The following ADAMTSL1 variants were observed in gnomAD, a reference collection of about 807,000 sequenced individuals.
ADAMTSL1 encodes ADAMTS-like protein 1.
Under a neutral mutation model 201.8 loss-of-function variants are expected in ADAMTSL1, and 126 were observed. The observed-to-expected ratio is 0.62, with a 90% CI of 0.54 to 0.72. The LOEUF (loss-of-function observed/expected upper bound fraction) is 0.72, where lower values mean the gene tolerates loss of function less well. Among genes scored for constraint, ADAMTSL1 ranks in the 30% least tolerant of loss-of-function variants. ADAMTSL1 has a pLI of 0.00. For missense variants in ADAMTSL1, 2,679 were observed against 2,277.8 expected, an observed-to-expected ratio of 1.18 and a Z score of -3.59; for synonymous variants, 1,121 against 903.4, an observed-to-expected ratio of 1.24 and a Z score of -4.32.
chr9:18,873,601 T>G (rs1159551531), intron 23 of ADAMTSL1, among the ~76,000 whole-genome samples: 1 of 152,118 alleles, frequency 6.6e-6, no homozygotes, highest in Non-Finnish European at 1.5e-5. Flanking sequence ...TGAAGATCAG[T>G]TGGCTGTAAG....
chr9:18,626,878 C>CTATCTTTCTTTCTTTCTTTCTGTCTTT (rs1461320087), intron 5 of ADAMTSL1, among the ~76,000 whole-genome samples: 1 of 90,004 alleles, frequency 1.1e-5, no homozygotes. Context: ...TGTCTTTCTT[C>CTATCTTTCTTTCTTTCTTTCTGTCTTT]CTTCCTTCCT....
At chr9:18,057,609 C>G (rs906391366) in intron 1 of ADAMTSL1, among the ~76,000 whole-genome samples, 1 of 152,118 alleles carries the variant, frequency 6.6e-6, no homozygotes, top group Non-Finnish European at 1.5e-5. Flanking sequence ...AAATGAAAAT[C>G]TGACTGTGGG....
chr9:18,193,375 G>C (rs1341420884), intron 2 of ADAMTSL1, among the ~76,000 whole-genome samples: 1 of 152,064 alleles, frequency 6.6e-6, no homozygotes, highest in Non-Finnish European at 1.5e-5. Flanking sequence ...GGAATATGCA[G>C]GGGAAGAGGA....
intron 2 of ADAMTSL1, among the ~76,000 whole-genome samples, chr9:18,208,046 A>T (rs1179033793): frequency 1.3e-5 from 2 of 152,050 alleles, no homozygotes; most frequent in Non-Finnish European, 2.9e-5. Flanking sequence ...CTGATGAACC[A>T]CTCAGAGTCT....
At chr9:18,594,147 T>C (rs1224410401) in intron 4 of ADAMTSL1, among the ~76,000 whole-genome samples, 1 of 152,114 alleles carries the variant, frequency 6.6e-6, no homozygotes, top group Non-Finnish European at 1.5e-5. Context: ...AATCTTTTTG[T>C]TGACATTTTT....
chr9:18,307,447 C>T (rs1020981839), intron 2 of ADAMTSL1, among the ~76,000 whole-genome samples: 4 of 151,984 alleles, frequency 2.6e-5, no homozygotes, highest in Non-Finnish European at 5.9e-5. Context: ...TTCAGGAAAC[C>T]CATCTCACGT....
intron 3 of ADAMTSL1, among the ~76,000 whole-genome samples, chr9:18,550,769 CAGCA>C (rs1820751781): frequency 6.6e-6 from 1 of 151,796 alleles, no homozygotes; most frequent in Non-Finnish European, 1.5e-5. Context: ...ATGTTTATGG[CAGCA>C]ATAGAAAACT....
chr9:18,063,592 G>A (rs1033598594), intron 1 of ADAMTSL1, among the ~76,000 whole-genome samples: 6 of 152,178 alleles, frequency 3.9e-5, no homozygotes, highest in Non-Finnish European at 7.3e-5. Flanking sequence ...CGAATGCAGG[G>A]AAGGGCCATG....
chr9:18,790,282 C>T (rs1160401561), intron 19 of ADAMTSL1, among the ~76,000 whole-genome samples: 4 of 152,118 alleles, frequency 2.6e-5, no homozygotes, highest in Non-Finnish European at 5.9e-5. Flanking sequence ...TAAGGCCCAC[C>T]ACACGACTCT....
Position 18,795,487 on chromosome 9 carries a change from G to T in ADAMTSL1, c.3768G>T (p.Leu1256Phe), listed in dbSNP as rs1822365499. 1 of 1,613,570 alleles carries T rather than the reference G, an allele frequency of 6.2e-7. No individual in the cohort carries two copies. The highest frequency in any genetic ancestry group is 1.1e-5 in the South Asian group (1 of 91,048). ...ACACTTGCAATGCCACCAATGCCTTGGGATACGACTCTGTCTCCATTGCCG... is the reference window on the plus strand; with the variant it reads ...ACACTTGCAATGCCACCAATGCCTTTGGATACGACTCTGTCTCCATTGCCG... ...GFYTCNATNA[L>F]GYDSVSIAVT... Residue 1256 changes from leucine (L) to phenylalanine (F), a missense_variant, in exon 20 of 29, where the codon TTG (leucine) becomes TTT (phenylalanine). Physicochemically the swap from Leu to Phe is conservative, Grantham distance 22. Transcript: ENST00000380548.
intron 23 of ADAMTSL1, among the ~76,000 whole-genome samples, chr9:18,833,675 T>C (rs572825563): frequency 6.6e-6 from 1 of 152,208 alleles, no homozygotes; most frequent in Non-Finnish European, 1.5e-5. Context: ...TTTCTTTTGT[T>C]GTGCAGACGC....
chr9:18,777,118 C>A lies in ADAMTSL1; in HGVS notation c.2889C>A (p.Gly963=), dbSNP rs1267590633. 2 of 1,613,088 alleles carry A rather than the reference C, an allele frequency of 1.2e-6. No homozygotes were observed. The highest frequency in any genetic ancestry group is 1.7e-5 in the Admixed American group (1 of 60,034). The part of the protein sequence containing the change: ...REHFVIKLIG[G]NRKLVARPLS... ...ACTTTGTGATTAAGCTCATCGGAGG[C>A]AACCGCAAGCTCGTGGCCCGGCCCT... The change falls in exon 19 of 29, where the codon GGC becomes GGA. Residue 963 remains glycine (G), a synonymous_variant. Transcript: ENST00000380548.
At position 18,096,706 on chromosome 9, in the gene ADAMTSL1, A is replaced by G. The variant is rs147176708; in HGVS notation, c.88-67156A>G. ...CACTTTTGTAGGTTTTGACAAATGT[A>G]TATGTTGTATCATCACCATCCAAAT... On this transcript the variant is annotated intron_variant, in intron 1 of 29. Transcript: ENST00000680146. Among the ~76,000 whole-genome samples, 46 of 152,322 alleles carry G rather than the reference A, an allele frequency of 3.0e-4. No homozygotes were observed. In the East Asian group the frequency reaches 5.6e-3, roughly 19 times the overall value.
intron 7 of ADAMTSL1, chr9:18,651,097 C>T (rs1828218633): frequency 6.6e-6 from 1 of 152,166 alleles, no homozygotes; most frequent in Non-Finnish European, 1.5e-5. Context: ...GCCGCATTTA[C>T]CAGTGGTATA....
chr9:18,824,122 A>T (rs963903922), intron 21 of ADAMTSL1, among the ~76,000 whole-genome samples: 1 of 152,134 alleles, frequency 6.6e-6, no homozygotes, highest in African/African-American at 2.4e-5. Flanking sequence ...TCAGGAGAAA[A>T]ATAGCTAAGA....
intron 7 of ADAMTSL1, among the ~76,000 whole-genome samples, chr9:18,652,365 CAAA>C (rs34900718): frequency 4.0e-3 from 377 of 94,930 alleles, no homozygotes; most frequent in African/African-American, 0.015. Context: ...AACTCCATCT[CAAA>C]AAAAAAAAAA....
Position 17,910,484 on chromosome 9 carries a change from T to G in ADAMTSL1, c.87+3562T>G. 2.9e-5 allele frequency among the ~76,000 whole-genome samples: 2 copies of G among 68,818 alleles called. 1 individual carries two copies. The highest frequency in any genetic ancestry group is 8.9e-5 in the Non-Finnish European group (2 of 22,502). The allele number at this position is 68,818 out of a possible 152,430, so 45.1% of individuals were successfully genotyped here. On this transcript the variant is annotated intron_variant, in intron 1 of 29. Coordinates refer to the ADAMTSL1 transcript ENST00000680146. Reference sequence around the variant, plus strand: ...CTAACATTACACACATGTTCTTTCCTGTGCCACTTCTTAACCATTTCTTCT... The same window carrying G: ...CTAACATTACACACATGTTCTTTCCGGTGCCACTTCTTAACCATTTCTTCT...
At position 18,026,361 on chromosome 9, in the gene ADAMTSL1, A is replaced by G. The variant is rs142469117; in HGVS notation, c.87+119439A>G. On this transcript the variant is annotated intron_variant, in intron 1 of 29. Transcript: ENST00000680146. ...TGTGGGTTTGTCATAGACGGCTCAT[A>G]TTATTTTGAAGCATTTTCCTTCAAT... 1.5e-4 allele frequency among the ~76,000 whole-genome samples: 23 copies of G among 152,074 alleles called. No individual in the cohort carries two copies. The East Asian group carries it at 4.1e-3, about 27-fold the overall frequency.
chr9:18,884,601 T>G (rs1328324154), intron 23 of ADAMTSL1, among the ~76,000 whole-genome samples: 4 of 152,172 alleles, frequency 2.6e-5, no homozygotes, highest in Admixed American at 2.6e-4. Flanking sequence ...ATAGTGTAAG[T>G]CATTTGTTCA....
Sources: gnomAD v4.1 joint callset for allele counts (sites outside exome capture counted in the v4.1 genomes callset) on GRCh38, gnomAD v4.1.1 for gene constraint, MANE v1.5 for transcripts, NCBI Gene and HGNC (gene_info 2026-07-23, HGNC 2026-07-21) for gene names.